Variants in FER observed in about 807,000 individuals in gnomAD.
The protein encoded by FER is FER tyrosine kinase, also known as tyrosine-protein kinase Fer.
In FER, 63 loss-of-function variants were observed where a neutral mutation model predicts 111.0. The observed-to-expected ratio is 0.57, with a 90% confidence interval of 0.46 to 0.70. FER has a LOEUF of 0.70. Ranked by LOEUF, FER falls within the 30% of genes least tolerant of loss-of-function variation. The pLI, the probability that FER is intolerant of heterozygous loss-of-function variation, is 0.00. For missense variants in FER, 914 were observed against 954.0 expected, an observed-to-expected ratio of 0.96 and a Z score of 0.55; for synonymous variants, 327 against 313.9, an observed-to-expected ratio of 1.04 and a Z score of -0.44.
chr5:109,025,620 C>G (rs2149842575), intron 13 of FER, among the ~76,000 whole-genome samples: 1 of 147,786 alleles, frequency 6.8e-6, no homozygotes, highest in East Asian at 1.9e-4. Flanking sequence ...ATTTCCTTCT[C>G]CTGCCTAATT....
intron 17 of FER, among the ~76,000 whole-genome samples, chr5:109,167,889 C>T (rs1756719166): frequency 6.6e-6 from 1 of 151,920 alleles, no homozygotes; most frequent in Non-Finnish European, 1.5e-5. Flanking sequence ...TATGAATGAA[C>T]AGAAGGAAAA....
chr5:108,925,449 A>G (rs1022890606), intron 10 of FER, among the ~76,000 whole-genome samples: 1 of 152,054 alleles, frequency 6.6e-6, no homozygotes, highest in Non-Finnish European at 1.5e-5. Context: ...TAATGTATAA[A>G]ATATAATTTC....
At chr5:109,015,663 G>A (rs926940606) in intron 13 of FER, among the ~76,000 whole-genome samples, 8 of 151,978 alleles carry the variant, frequency 5.3e-5, no homozygotes, top group African/African-American at 7.2e-5. Flanking sequence ...ATCATGCCTC[G>A]GGGAAGCAGG....
intron 13 of FER, among the ~76,000 whole-genome samples, chr5:109,011,866 T>C (rs1766316822): frequency 6.6e-6 from 1 of 152,222 alleles, no homozygotes; most frequent in African/African-American, 2.4e-5. Flanking sequence ...CTAATGTAAC[T>C]AGTTTACCTA....
chr5:108,782,872 ATTC>A (rs1414206621), intron 2 of FER: 7 of 152,216 alleles, frequency 4.6e-5, no homozygotes, highest in Non-Finnish European at 8.8e-5. Context: ...TGAAAAGGCT[ATTC>A]TTCTTCTATT....
intron 17 of FER, among the ~76,000 whole-genome samples, chr5:109,116,426 CAAA>C (rs199831249): frequency 6.3e-5 from 8 of 126,882 alleles, no homozygotes; most frequent in Admixed American, 1.6e-4. Context: ...TTCCCCCCGC[CAAA>C]AAAAAAAAAA....
chr5:109,147,794 TATATATAGAGAG>T (rs1272727359), intron 17 of FER, among the ~76,000 whole-genome samples: 42 of 133,422 alleles, frequency 3.1e-4, no homozygotes, highest in African/African-American at 9.8e-4. Context: ...TATATATATA[TATATATAGAGAG>T]AGAGAGAGAG....
chr5:108,754,372 G>T (rs1455245612), intron 1 of FER, among the ~76,000 whole-genome samples: 1 of 144,658 alleles, frequency 6.9e-6, no homozygotes, highest in Non-Finnish European at 1.5e-5. Context: ...GCAGCACTGT[G>T]CTTCGGCCTG....
At chr5:108,830,380 G>A (rs565064077) in intron 3 of FER, among the ~76,000 whole-genome samples, 1 of 152,272 alleles carries the variant, frequency 6.6e-6, no homozygotes, top group African/African-American at 2.4e-5. Flanking sequence ...CTTGGACCCA[G>A]GAGGTGGAGG....
chr5:108,795,934 G>T (rs1580583523), intron 2 of FER, among the ~76,000 whole-genome samples: 2 of 152,106 alleles, frequency 1.3e-5, no homozygotes, highest in South Asian at 4.1e-4. Context: ...GTGGCTGTTC[G>T]ACAGAGTCTG....
At chr5:108,798,068 TTG>T in intron 2 of FER, 54 bp from the exon 3 acceptor site, 1 of 691,120 alleles carries the variant, frequency 1.4e-6, no homozygotes, top group Non-Finnish European at 2.4e-6. Flanking sequence ...TTTTTTTTTT[TTG>T]AAGACTAATT....
intron 13 of FER, among the ~76,000 whole-genome samples, chr5:108,987,390 G>A (rs1762693028): frequency 6.6e-6 from 1 of 152,100 alleles, no homozygotes; most frequent in Admixed American, 6.5e-5. Flanking sequence ...AGGTTGCAGT[G>A]AGATGAGATC....
chr5:109,177,690 G>C (rs1339570962), intron 17 of FER: 1 of 152,160 alleles, frequency 6.6e-6, no homozygotes, highest in African/African-American at 2.4e-5. Flanking sequence ...TGTATGACTT[G>C]TAAGACACCT....
At chr5:108,946,316 G>GTA (rs1341382500) in intron 11 of FER, 94 bp downstream of exon 11, 2 of 694,734 alleles carry the variant, frequency 2.9e-6, no homozygotes, top group Non-Finnish European at 4.7e-6. Flanking sequence ...GTGTGTGTGT[G>GTA]TATATATATG....
intron 17 of FER, among the ~76,000 whole-genome samples, chr5:109,100,825 C>G (rs10073414): frequency 0.13 from 20,004 of 151,654 alleles, 1,387 homozygotes; most frequent in African/African-American, 0.14. Flanking sequence ...AAACTACAGC[C>G]TTATAATCAG....
chr5:108,895,268 G>A (rs1252247833), intron 9 of FER, among the ~76,000 whole-genome samples: 1 of 152,072 alleles, frequency 6.6e-6, no homozygotes, highest in Admixed American at 6.6e-5. Context: ...CCTTTTAAAT[G>A]AACATAAAAT....
chr5:108,889,917 AT>A (rs1434162610), intron 9 of FER, among the ~76,000 whole-genome samples: 2 of 152,004 alleles, frequency 1.3e-5, no homozygotes, highest in Admixed American at 1.3e-4. Flanking sequence ...ATGGATTGAC[AT>A]TTAGTTGTTA....
chr5:109,018,579 A>C (rs1416289785), intron 13 of FER, among the ~76,000 whole-genome samples: 1 of 151,842 alleles, frequency 6.6e-6, no homozygotes, highest in African/African-American at 2.4e-5. Context: ...TTACTTTATC[A>C]GTCTGAGCTT....
intron 13 of FER, among the ~76,000 whole-genome samples, chr5:109,034,937 T>C (rs1156791499): frequency 6.6e-6 from 1 of 152,022 alleles, no homozygotes; most frequent in African/African-American, 2.4e-5. Flanking sequence ...TTTTATTTTT[T>C]ATTAAAAAAT....
Sources: allele counts gnomAD v4.1 joint callset (sites outside exome capture counted in the v4.1 genomes callset), GRCh38; gene constraint gnomAD v4.1.1; transcripts MANE v1.5; gene names NCBI Gene and HGNC (gene_info 2026-07-23, HGNC 2026-07-21).